Variants in DMD observed in about 807,000 individuals in gnomAD.
DMD encodes mutant dystrophin.
Under a neutral mutation model 330.1 loss-of-function variants are expected in DMD, and 63 were observed. That is an observed-to-expected ratio of 0.19 (90% CI 0.16 to 0.24). The LOEUF is 0.24. Among genes scored for constraint, DMD ranks in the 10% least tolerant of loss-of-function variants. The pLI, the probability that DMD is intolerant of heterozygous loss-of-function variation, is 1.00. For synonymous variants in DMD, 1,223 were observed against 959.8 expected, an observed-to-expected ratio of 1.27 and a Z score of -5.07; for missense variants, 3,344 against 2,684.1, an observed-to-expected ratio of 1.25 and a Z score of -5.43.
intron 18 of DMD, among the ~76,000 whole-genome samples, chrX:32,504,180 C>T (rs187099649): frequency 2.7e-5 from 3 of 112,407 alleles, no homozygotes; most frequent in African/African-American, 9.7e-5. Flanking sequence ...GTTTTAATTA[C>T]AATTATTTAA....
chrX:32,125,766 A>G (rs1049343065), intron 44 of DMD, among the ~76,000 whole-genome samples: 2 of 110,563 alleles, frequency 1.8e-5, no homozygotes, highest in Admixed American at 1.9e-4. Flanking sequence ...GTGTAGATGA[A>G]GAGAACTGAA....
At chrX:31,865,944 TCTC>T (rs1418894383) in intron 48 of DMD, among the ~76,000 whole-genome samples, 1 of 111,245 alleles carries the variant, frequency 9.0e-6, no homozygotes, top group Non-Finnish European at 1.9e-5. Flanking sequence ...CTATTCTGTT[TCTC>T]CTCCTCTGAA....
chrX:31,530,647 C>CTTTTTTTTTTTTTTTTTTTTTA (rs2073678188), intron 55 of DMD, among the ~76,000 whole-genome samples: 1 of 49,845 alleles, frequency 2.0e-5, no homozygotes, highest in Non-Finnish European at 3.6e-5. Context: ...ACTGGTTTCT[C>CTTTTTTTTTTTTTTTTTTTTTA]TTTTTTTTTT....
At chrX:32,754,569 A>G (rs746093312) in intron 7 of DMD, among the ~76,000 whole-genome samples, 55 of 110,339 alleles carry the variant, frequency 5.0e-4, no homozygotes, top group Middle Eastern at 4.7e-3. Flanking sequence ...TAGGTGCCAC[A>G]GTAAAAGTAT....
Position 31,478,276 on chromosome X carries a change from C to T in DMD, c.8767G>A (p.Ala2923Thr), listed in dbSNP as rs116283249. 5.0e-6 allele frequency: 6 copies of T among 1,209,271 alleles called. No homozygotes were observed. Among genetic ancestry groups the T allele is most frequent in the South Asian group, 3.5e-5 (2 of 56,726 alleles). The part of the protein sequence containing the change: ...TEWEKLNLHS[A>T]DWQRKIDETL... ...TCATCTATTTTTCTCTGCCAGTCAG[C>T]GGAGTGCAGGTTCAATTTTTCCCAC... Residue 2923 changes from alanine (A) to threonine (T), a missense_variant, in exon 59 of 79, where the codon GCT (alanine) becomes ACT (threonine). Transcript: ENST00000357033.
chrX:32,298,384 A>T (rs56360315), intron 42 of DMD, among the ~76,000 whole-genome samples: 1 of 110,963 alleles, frequency 9.0e-6, no homozygotes, highest in Non-Finnish European at 1.9e-5. Flanking sequence ...ATTTTGGCAC[A>T]GACAAGTGGA....
At chrX:32,263,225 G>T (rs183830679) in intron 43 of DMD, among the ~76,000 whole-genome samples, 1 of 111,940 alleles carries the variant, frequency 8.9e-6, no homozygotes, top group Non-Finnish European at 1.9e-5. Context: ...TCAACTTACT[G>T]CTAGATTTCA....
chrX:31,419,434 T>C (rs1384601912), intron 60 of DMD, among the ~76,000 whole-genome samples: 3 of 110,643 alleles, frequency 2.7e-5, no homozygotes, highest in African/African-American at 9.9e-5. Context: ...TGTGTGTTGT[T>C]TGTCTAAAAT....
At chrX:32,304,938 C>T (rs1333440050) in intron 42 of DMD, among the ~76,000 whole-genome samples, 1 of 111,381 alleles carries the variant, frequency 9.0e-6, no homozygotes, top group Non-Finnish European at 1.9e-5. Flanking sequence ...AAAGCATTTG[C>T]AAACAAATTT....
At chrX:31,514,836 T>C (rs1351780514) in intron 55 of DMD, among the ~76,000 whole-genome samples, 2 of 110,754 alleles carry the variant, frequency 1.8e-5, no homozygotes, top group Non-Finnish European at 3.8e-5. Context: ...GTAAAAAGAA[T>C]AGCATGGGAA....
In DMD at chrX:32,276,205, C is replaced by T. The variant is rs979462012; in HGVS notation, c.6290+11324G>A. ...CTAGCCCCAGCCAGAAGGGAATCGC[C>T]CATCCCAGCAGTCAGAACTCAAGTT... On this transcript the variant is annotated intron_variant, in intron 43 of 78. Coordinates refer to ENST00000357033, the MANE Select transcript of DMD (RefSeq NM_004006.3). 2.7e-5 allele frequency among the ~76,000 whole-genome samples: 3 copies of T among 112,541 alleles called. No homozygotes were observed. In the East Asian group the frequency reaches 8.5e-4, roughly 32 times the overall value.
chrX:33,079,910 C>G (rs150658114), intron 1 of DMD, among the ~76,000 whole-genome samples: 6,829 of 111,670 alleles, frequency 0.061, 507 homozygotes, highest in African/African-American at 0.21. Flanking sequence ...TCCCCTTTTC[C>G]CCTGCCATTT....
intron 1 of DMD, among the ~76,000 whole-genome samples, chrX:33,332,165 G>C (rs1274999615): frequency 9.0e-6 from 1 of 111,350 alleles, no homozygotes; most frequent in Non-Finnish European, 1.9e-5. Context: ...TCTATATAGA[G>C]TGGATTAAAT....
chrX:33,054,557 G>A (rs2094496119), intron 1 of DMD, among the ~76,000 whole-genome samples: 1 of 112,323 alleles, frequency 8.9e-6, no homozygotes, highest in African/African-American at 3.2e-5. Flanking sequence ...TTAGTGTGAC[G>A]AAGGAAAACA....
intron 2 of DMD, among the ~76,000 whole-genome samples, chrX:32,883,823 CAAAAAAA>C (rs56150142): frequency 1.3e-3 from 40 of 30,348 alleles, no homozygotes; most frequent in African/African-American, 8.6e-4. Flanking sequence ...GACTCTGTTT[CAAAAAAA>C]AAAAAAAAAA....
chrX:33,109,672 G>A (rs978533478), intron 1 of DMD, among the ~76,000 whole-genome samples: 4 of 111,699 alleles, frequency 3.6e-5, no homozygotes, highest in African/African-American at 1.3e-4. Flanking sequence ...GTGACTGATC[G>A]TTGTCTGAAA....
intron 1 of DMD, among the ~76,000 whole-genome samples, chrX:33,116,621 C>T (rs147238240): frequency 0.029 from 3,229 of 111,400 alleles, 126 homozygotes; most frequent in African/African-American, 0.1. Flanking sequence ...AATTAGCAAG[C>T]AATTATGTCG....
chrX:32,865,223 T>C (rs1409243269), intron 2 of DMD, among the ~76,000 whole-genome samples: 1 of 111,326 alleles, frequency 9.0e-6, no homozygotes, highest in East Asian at 2.8e-4. Context: ...GATAAAAACA[T>C]ACTGCCACTG....
At chrX:32,500,193 T>C (rs926364845) in intron 19 of DMD, among the ~76,000 whole-genome samples, 1 of 111,087 alleles carries the variant, frequency 9.0e-6, no homozygotes, top group African/African-American at 3.3e-5. Context: ...GATGGATTAT[T>C]ATTTTCACAC....
Sources: allele counts gnomAD v4.1 joint callset (sites outside exome capture counted in the v4.1 genomes callset), GRCh38; gene constraint gnomAD v4.1.1; transcripts MANE v1.5; gene names NCBI Gene and HGNC (gene_info 2026-07-23, HGNC 2026-07-21).